The following TECTA variants were observed in gnomAD, a reference collection of about 807,000 sequenced individuals.
TECTA encodes the protein tectorin alpha, also known as alpha-tectorin.
Under a neutral mutation model 216.8 loss-of-function variants are expected in TECTA, and 128 were observed. The observed-to-expected ratio is 0.59, with a 90% confidence interval of 0.51 to 0.68. The LOEUF (loss-of-function observed/expected upper bound fraction) is 0.68, where lower values mean the gene tolerates loss of function less well. Ranked by LOEUF, TECTA falls within the 30% of genes least tolerant of loss-of-function variation. The pLI is 0.00. For missense variants in TECTA, 2,551 were observed against 2,786.2 expected, an observed-to-expected ratio of 0.92 and a Z score of 1.90; for synonymous variants, 1,089 against 1,117.1, an observed-to-expected ratio of 0.97 and a Z score of 0.50.
Position 121,118,619 on chromosome 11 carries a change from A to G in TECTA, c.1104A>G (p.Glu368=). Residue 368 remains glutamate (E), a synonymous_variant, in exon 7 of 24, where the codon GAA becomes GAG. Coordinates refer to ENST00000392793, the MANE Select transcript of TECTA (RefSeq NM_005422.4). ...TCTTCAGTGTGGAGGCCAAGAATGA[A>G]CACCGCAGAGGTTCAGCCGTCTCCT... ...LPFFSVEAKN[E]HRRGSAVSWV... is the part of the protein sequence containing the mutation. 6.2e-7 allele frequency: 1 copy of G among 1,614,108 alleles called. No individual in the cohort carries two copies. The highest frequency in any genetic ancestry group is 8.5e-7 in the Non-Finnish European group (1 of 1,180,024).
chr11:121,123,661 A>G (rs1196691004), intron 7 of TECTA, among the ~76,000 whole-genome samples: 2 of 152,244 alleles, frequency 1.3e-5, no homozygotes, highest in Non-Finnish European at 2.9e-5. Context: ...AACATGGCTT[A>G]AAAGGCCCTC....
In TECTA at chr11:121,137,706, C is replaced by T; in HGVS notation, c.3227C>T (p.Pro1076Leu). ...AACAGGGTCCACTGCGAGACCATTC[C>T]CTGCAAGGATGATGAGTACTGCATG... Reference protein sequence around the residue: ...TDNRVHCETIPCKDDEYCMEE... With the variant: ...TDNRVHCETILCKDDEYCMEE... The change falls in exon 11 of 24, where the codon CCC becomes CTC. Residue 1076 changes from proline to leucine, a missense_variant. This residue lies in a region of TECTA where 2,375 missense variants were observed against 2,563.9 expected (regional missense o/e 0.93). Transcript: ENST00000392793. 1 of 1,614,112 alleles carries T rather than the reference C, an allele frequency of 6.2e-7. No individual in the cohort carries two copies. Among genetic ancestry groups the T allele is most frequent in the Non-Finnish European group, 8.5e-7 (1 of 1,180,040 alleles).
intron 20 of TECTA, among the ~76,000 whole-genome samples, chr11:121,177,896 C>T (rs1024172463): frequency 2.0e-5 from 3 of 152,204 alleles, no homozygotes; most frequent in African/African-American, 7.2e-5. Context: ...GCGCCCCTCC[C>T]CCAGCCTTGC....
chr11:121,179,029 A>T (rs1947198965), intron 20 of TECTA, among the ~76,000 whole-genome samples: 1 of 151,942 alleles, frequency 6.6e-6, no homozygotes, highest in African/African-American at 2.4e-5. Flanking sequence ...TTATCTTTTA[A>T]AAAACCAAAT....
rs772331170 is a variant in TECTA, at chr11:121,187,828, AT to A, written c.6000-3del. On this transcript the variant is annotated splice_polypyrimidine_tract_variant and splice_region_variant and intron_variant, in intron 20 of 23. Coordinates refer to ENST00000392793, the MANE Select transcript of TECTA (RefSeq NM_005422.4). Reference sequence around the variant, plus strand: ...GCAAAGATTCCATTATTTTTTCTGAATAGGTGTCAGAACCTCAAAGATAACA... The same window carrying A: ...GCAAAGATTCCATTATTTTTTCTGAAAGGTGTCAGAACCTCAAAGATAACA... 2 of 1,614,234 alleles carry A rather than the reference AT, an allele frequency of 1.2e-6. No homozygotes were observed. Among genetic ancestry groups the A allele is most frequent in the Non-Finnish European group, 8.5e-7 (1 of 1,180,024 alleles).
At chr11:121,130,924 T>A (rs981392906) in intron 10 of TECTA, among the ~76,000 whole-genome samples, 6 of 150,760 alleles carry the variant, frequency 4.0e-5, no homozygotes, top group African/African-American at 1.5e-4. Flanking sequence ...CCATTAAGAT[T>A]CCATCCCCGG....
chr11:121,104,231 T>TA (rs1341339894), intron 2 of TECTA, among the ~76,000 whole-genome samples: 1 of 151,726 alleles, frequency 6.6e-6, no homozygotes, highest in African/African-American at 2.4e-5. Context: ...TATAATACTG[T>TA]AGTAGAGATT....
At chr11:121,189,626 G>A (rs1247349601) in intron 22 of TECTA, 138 bp from the exon 23 acceptor site, 5 of 763,668 alleles carry the variant, frequency 6.5e-6, no homozygotes, top group Admixed American at 3.7e-5. Context: ...CACCCGCCTC[G>A]GCCTCCCAAA....
At chr11:121,147,130 T>C (rs935446006) in intron 12 of TECTA, among the ~76,000 whole-genome samples, 5 of 152,212 alleles carry the variant, frequency 3.3e-5, no homozygotes, top group African/African-American at 1.2e-4. Context: ...CTTTGATCTA[T>C]TTTCCTGTCT....
chr11:121,168,093 A>T lies in TECTA; in HGVS notation c.5626A>T (p.Ile1876Phe). The change falls in exon 19 of 24, where the codon ATC (isoleucine) becomes TTC (phenylalanine). Residue 1876 changes from isoleucine to phenylalanine, a missense_variant. Physicochemically the swap from Ile to Phe is conservative, Grantham distance 21 (BLOSUM62 0). Around this residue, in one of 3 missense-constraint regions of TECTA, gnomAD observed 2,375 missense variants for 2,563.9 expected, o/e 0.93. Coordinates refer to ENST00000392793, the MANE Select transcript of TECTA (RefSeq NM_005422.4). The stretch of plus-strand genomic sequence containing the variant: ...TATCATGTATAAAAACACACTCTGG[A>T]TCGAAAGCGCCAACAACACTGGCAA... The part of the protein sequence containing the change: ...THIMYKNTLW[I>F]ESANNTGNII... 6.2e-7 allele frequency: 1 copy of T among 1,614,210 alleles called. No individual in the cohort carries two copies. Among genetic ancestry groups the T allele is most frequent in the Non-Finnish European group, 8.5e-7 (1 of 1,180,034 alleles).
At position 121,113,035 on chromosome 11, in the gene TECTA, A is replaced by C. The variant is rs1390413448; in HGVS notation, c.487-37A>C. 1 of 1,613,596 alleles carries C rather than the reference A, an allele frequency of 6.2e-7. No individual in the cohort carries two copies. The highest frequency in any genetic ancestry group is 1.7e-5 in the Admixed American group (1 of 60,006). The stretch of plus-strand genomic sequence containing the variant: ...TCCTTGGGGCCAGGACCTCCTGGGG[A>C]GTGCAAGTCATGAGACTGCGCATTC... On this transcript the variant is annotated intron_variant, in intron 4 of 23. Transcript: ENST00000392793. The surrounding 1 kb of genome is among the most constrained non-coding windows in gnomAD (Gnocchi z 4.2).
chr11:121,165,395 G>A lies in TECTA; in HGVS notation c.5383+12G>A. ...CCCCTATGGAAATAGTGAGTGACAT[G>A]GGCCACCTCCCCACCCAGAAAGGCC... On this transcript the variant is annotated intron_variant, in intron 17 of 23. Transcript: ENST00000392793. The A allele has an allele frequency of 1.9e-6, 3 of 1,565,506 alleles. No homozygotes were observed. Among genetic ancestry groups the A allele is most frequent in the Non-Finnish European group, 2.6e-6 (3 of 1,153,704 alleles).
chr11:121,104,529 A>G (rs1242136186), intron 2 of TECTA, among the ~76,000 whole-genome samples: 1 of 152,156 alleles, frequency 6.6e-6, no homozygotes, highest in Non-Finnish European at 1.5e-5. Flanking sequence ...GTTGAGGCAT[A>G]ACTCCTCTTG....
chr11:121,188,454 G>A (rs1380255245), intron 21 of TECTA, among the ~76,000 whole-genome samples: 2 of 152,098 alleles, frequency 1.3e-5, no homozygotes, highest in Non-Finnish European at 1.5e-5. Flanking sequence ...ATGACCACTG[G>A]GCCAAGTTCC....
chr11:121,133,417 T>C (rs1331211380), intron 10 of TECTA, among the ~76,000 whole-genome samples: 1 of 152,250 alleles, frequency 6.6e-6, no homozygotes, highest in Admixed American at 6.5e-5. Flanking sequence ...TCCAATTTTG[T>C]CAGTTGACTG....
chr11:121,186,082 G>T (rs1402949514), intron 20 of TECTA, among the ~76,000 whole-genome samples: 2 of 113,872 alleles, frequency 1.8e-5, no homozygotes, highest in Non-Finnish European at 3.4e-5. Flanking sequence ...GAAAGCAGAT[G>T]TTCAATGCTT....
At position 121,113,048 on chromosome 11, in the gene TECTA, A is replaced by C; in HGVS notation, c.487-24A>C. The C allele has an allele frequency of 1.2e-6, 2 of 1,613,924 alleles. No homozygotes were observed. The highest frequency in any genetic ancestry group is 1.7e-6 in the Non-Finnish European group (2 of 1,179,952). On this transcript the variant is annotated intron_variant, in intron 4 of 23. Coordinates refer to ENST00000392793, the MANE Select transcript of TECTA (RefSeq NM_005422.4). The surrounding 1 kb of genome is among the most constrained non-coding windows in gnomAD (Gnocchi z 4.2). ...GACCTCCTGGGGAGTGCAAGTCATG[A>C]GACTGCGCATTCCCATCCTGTAGGT...
At chr11:121,162,722 C>T (rs942147973) in intron 16 of TECTA, among the ~76,000 whole-genome samples, 4 of 152,214 alleles carry the variant, frequency 2.6e-5, no homozygotes, top group Non-Finnish European at 5.9e-5. Context: ...ACCTTGGCTC[C>T]TTTAACATGA....
chr11:121,136,089 G>C (rs1946723705), intron 10 of TECTA, among the ~76,000 whole-genome samples: 1 of 152,034 alleles, frequency 6.6e-6, no homozygotes, highest in African/African-American at 2.4e-5. Context: ...CTCCCGAGTA[G>C]CTTAGATTAC....
Sources: gnomAD v4.1 joint callset for allele counts (sites outside exome capture counted in the v4.1 genomes callset) on GRCh38, gnomAD v4.1.1 for gene constraint, gnomAD v4.1.1 regional missense constraint, Gnocchi (gnomAD v3.1) non-coding constraint, MANE v1.5 for transcripts, NCBI Gene and HGNC (gene_info 2026-07-23, HGNC 2026-07-21) for gene names.